The following PLCL2 variants were observed in gnomAD, a reference collection of about 807,000 sequenced individuals.
PLCL2 encodes inactive phospholipase C-like protein 2.
PLCL2 carries 4 observed loss-of-function variants against 79.6 expected under a neutral mutation model. That is an observed-to-expected ratio of 0.05 (90% CI 0.02 to 0.11). The LOEUF (loss-of-function observed/expected upper bound fraction) is 0.11, where lower values mean the gene tolerates loss of function less well. Ranked by LOEUF, PLCL2 falls within the 10% of genes least tolerant of loss-of-function variation. The probability of loss-of-function intolerance (pLI) is 1.00; values close to 1 mark genes in which losing one functional copy is unlikely to be tolerated. For missense variants in PLCL2, 895 were observed against 1,291.0 expected, an observed-to-expected ratio of 0.69 and a Z score of 4.70; for synonymous variants, 484 against 457.7, an observed-to-expected ratio of 1.06 and a Z score of -0.73.
chr3:17,055,696 G>C (rs1231799171), intron 4 of PLCL2, among the ~76,000 whole-genome samples: 1 of 152,194 alleles, frequency 6.6e-6, no homozygotes, highest in African/African-American at 2.4e-5. Flanking sequence ...ATCTGGGAGT[G>C]AGACTCAGGA....
intron 5 of PLCL2, among the ~76,000 whole-genome samples, chr3:17,079,575 A>G (rs1351213273): frequency 6.6e-6 from 1 of 152,136 alleles, no homozygotes; most frequent in African/African-American, 2.4e-5. Context: ...GGCAGGCAGC[A>G]TCAGCCCCTG....
intron 5 of PLCL2, among the ~76,000 whole-genome samples, chr3:17,070,620 T>C (rs149948878): frequency 2.0e-5 from 3 of 152,314 alleles, no homozygotes; most frequent in African/African-American, 7.2e-5. Flanking sequence ...CATTCCTGTA[T>C]GTCACTGGTT....
chr3:17,005,536 C>T (rs2064252970), intron 1 of PLCL2, among the ~76,000 whole-genome samples: 1 of 152,254 alleles, frequency 6.6e-6, no homozygotes, highest in Middle Eastern at 3.4e-3. Flanking sequence ...TTCCATAGGA[C>T]TCAATATGGC....
At position 17,009,745 on chromosome 3, in the gene PLCL2, C is replaced by G. The variant is rs762379829; in HGVS notation, c.399C>G (p.Ile133Met). The change falls in exon 2 of 6, where the codon ATC (isoleucine) becomes ATG (methionine). Residue 133 changes from isoleucine (I) to methionine (M), a missense_variant. Around this residue, in one of 6 missense-constraint regions of PLCL2, gnomAD observed 129 missense variants for 208.8 expected, o/e 0.62. Transcript: ENST00000615277. The surrounding 1 kb of genome is among the most constrained non-coding windows in gnomAD (Gnocchi z 4.0). ...GCAGCATGCCAACAGAGAAGAAGAT[C>G]AGCAGTGCAAGTGATTGTATTAATT... ...SFSSMPTEKK[I>M]SSASDCINSM... is the part of the protein sequence containing the mutation. 3.7e-6 allele frequency: 6 copies of G among 1,612,718 alleles called. No individual in the cohort carries two copies. The highest frequency in any genetic ancestry group is 3.4e-6 in the Non-Finnish European group (4 of 1,178,834).
chr3:17,083,274 G>C (rs1306592562), intron 5 of PLCL2, among the ~76,000 whole-genome samples: 3 of 152,202 alleles, frequency 2.0e-5, no homozygotes, highest in African/African-American at 7.2e-5. Flanking sequence ...ATGGCATCAA[G>C]GGGAGGGGAA....
chr3:17,011,888 C>G lies in PLCL2; in HGVS notation c.2542C>G (p.Pro848Ala), dbSNP rs1424976745. The G allele has an allele frequency of 3.7e-6, 6 of 1,614,086 alleles. No individual in the cohort carries two copies. In the South Asian group the frequency reaches 6.6e-5, roughly 18 times the overall value. The change falls in exon 2 of 6, where the codon CCC becomes GCC. Residue 848 changes from proline (P) to alanine (A), a missense_variant. Pro to Ala is a conservative substitution (Grantham distance 27). Transcript: ENST00000615277. This position sits in a 1 kb window ranked among gnomAD's most constrained non-coding sequence, Gnocchi z 7.9. Reference sequence around the variant, plus strand: ...TGAATTCATCGGCCAGTACACAATTCCCTTTGAATGTTTACAGACGGGCTA... The same window carrying G: ...TGAATTCATCGGCCAGTACACAATTGCCTTTGAATGTTTACAGACGGGCTA... ...GDEFIGQYTI[P>A]FECLQTGYRH...
At chr3:16,889,872 A>ATT (rs11458984) in intron 1 of PLCL2, among the ~76,000 whole-genome samples, 1 of 151,516 alleles carries the variant, frequency 6.6e-6, no homozygotes, top group East Asian at 1.9e-4. Context: ...GACTTTAGAC[A>ATT]TTTTTTTTTG....
chr3:16,897,814 A>C (rs1696518790), intron 1 of PLCL2, among the ~76,000 whole-genome samples: 1 of 152,210 alleles, frequency 6.6e-6, no homozygotes, highest in Non-Finnish European at 1.5e-5. Context: ...AAGAGGAATG[A>C]ACATTGAACT....
intron 1 of PLCL2, among the ~76,000 whole-genome samples, chr3:17,001,955 C>T (rs2064216136): frequency 6.6e-6 from 1 of 151,924 alleles, no homozygotes; most frequent in Admixed American, 6.6e-5. Flanking sequence ...GACATCTTAA[C>T]AATATTAATT....
At chr3:17,069,057 A>T (rs976604708) in intron 5 of PLCL2, among the ~76,000 whole-genome samples, 6 of 152,196 alleles carry the variant, frequency 3.9e-5, no homozygotes, top group African/African-American at 1.4e-4. Flanking sequence ...ACAGATTAGC[A>T]GGCATAAAAA....
At position 17,081,494 on chromosome 3, in the gene PLCL2, A is replaced by G. The variant is rs1157710716; in HGVS notation, c.3205-8239A>G. The G allele has an allele frequency of 1.0e-4, 28 of 274,986 alleles. No individual in the cohort carries two copies. The Admixed American group carries it at 1.4e-3, about 13-fold the overall frequency. The allele number at this position is 274,986 out of a possible 1,614,324, so 17.0% of individuals were successfully genotyped here. A position where few individuals can be genotyped will look rare whatever the true frequency, so the allele number is the denominator to read the frequency against. On this transcript the variant is annotated intron_variant, in intron 5 of 5. Transcript: ENST00000615277. ...TTTGAAAAAATTAGCCAGATGTAGA[A>G]TCCCTGTTGTTTTGCCCCTACGTCT... is the stretch of plus-strand genomic sequence containing the variant.
chr3:16,886,927 CT>C lies in PLCL2; in HGVS notation c.327+1564del, dbSNP rs1696240119. ...ATACCAGCCTACCTAATTTTAACCCCTTTCTTTTAATTGTTTTGAATACTTG... is the reference window on the plus strand; with the variant it reads ...ATACCAGCCTACCTAATTTTAACCCCTTCTTTTAATTGTTTTGAATACTTG... On this transcript the variant is annotated intron_variant, in intron 1 of 5. Coordinates refer to ENST00000615277, the MANE Select transcript of PLCL2 (RefSeq NM_001144382.2). The surrounding 1 kb of genome is among the most constrained non-coding windows in gnomAD (Gnocchi z 4.2). 6.6e-6 allele frequency among the ~76,000 whole-genome samples: 1 copy of C among 152,118 alleles called. No homozygotes were observed. The highest frequency in any genetic ancestry group is 1.9e-4 in the East Asian group (1 of 5,198).
intron 4 of PLCL2, among the ~76,000 whole-genome samples, chr3:17,046,522 T>C (rs2064782176): frequency 6.6e-6 from 1 of 152,184 alleles, no homozygotes; most frequent in Admixed American, 6.5e-5. Flanking sequence ...TAATTTTAAA[T>C]GGAAAATAAA....
intron 1 of PLCL2, among the ~76,000 whole-genome samples, chr3:16,956,880 C>T (rs2063710696): frequency 1.3e-5 from 2 of 152,138 alleles, no homozygotes; most frequent in Non-Finnish European, 2.9e-5. Flanking sequence ...GTGATATCCC[C>T]TTTATCATTT....
At chr3:17,057,105 T>C (rs2064899411) in intron 4 of PLCL2, among the ~76,000 whole-genome samples, 1 of 151,826 alleles carries the variant, frequency 6.6e-6, no homozygotes, top group Non-Finnish European at 1.5e-5. Context: ...TCTAAAACAT[T>C]TGGGATTGAT....
chr3:16,991,295 T>C (rs1037644762), intron 1 of PLCL2, among the ~76,000 whole-genome samples: 4 of 152,154 alleles, frequency 2.6e-5, no homozygotes, highest in Non-Finnish European at 5.9e-5. Flanking sequence ...GGATTCATAA[T>C]AGTAGCTCAG....
intron 1 of PLCL2, among the ~76,000 whole-genome samples, chr3:16,917,324 A>G (rs2124932049): frequency 6.6e-6 from 1 of 152,152 alleles, no homozygotes; most frequent in East Asian, 1.9e-4. Flanking sequence ...TTAGGTCAAA[A>G]CATGCTCATT....
At chr3:17,022,648 T>C (rs1236557696) in intron 3 of PLCL2, among the ~76,000 whole-genome samples, 3 of 152,206 alleles carry the variant, frequency 2.0e-5, no homozygotes, top group African/African-American at 7.2e-5. Context: ...ATTTATTCAG[T>C]AAACTTTTTG....
chr3:17,028,344 T>G lies in PLCL2; in HGVS notation c.3018+13433T>G, dbSNP rs2064540920. 1.3e-5 allele frequency among the ~76,000 whole-genome samples: 2 copies of G among 152,210 alleles called. 1 individual carries two copies. Among genetic ancestry groups the G allele is most frequent in the South Asian group, 4.1e-4 (2 of 4,820 alleles). ...GGTGGAGACTAATCCCATGAAACCC[T>G]CTCCCACCTGAGGAATGGGAAAGAT... On this transcript the variant is annotated intron_variant, in intron 3 of 5. Coordinates refer to ENST00000615277, the MANE Select transcript of PLCL2 (RefSeq NM_001144382.2).
Sources: allele counts gnomAD v4.1 joint callset (sites outside exome capture counted in the v4.1 genomes callset), GRCh38; gene constraint gnomAD v4.1.1; regional missense constraint gnomAD v4.1.1; non-coding constraint Gnocchi (gnomAD v3.1); transcripts MANE v1.5; gene names NCBI Gene and HGNC (gene_info 2026-07-23, HGNC 2026-07-21).